Variants in PTPN4 observed in about 807,000 individuals in gnomAD.
PTPN4 encodes protein tyrosine phosphatase non-receptor type 4.
PTPN4 carries 49 observed loss-of-function variants against 135.5 expected under a neutral mutation model. That is an observed-to-expected ratio of 0.36 (90% CI 0.29 to 0.46). PTPN4 has a LOEUF of 0.46. PTPN4 is among the 20% of genes least tolerant of loss of function. The pLI is 1.00. For synonymous variants in PTPN4, 333 were observed against 369.9 expected, an observed-to-expected ratio of 0.90 and a Z score of 1.14; for missense variants, 860 against 1,101.0, an observed-to-expected ratio of 0.78 and a Z score of 3.10.
At chr2:119,844,564 C>A (rs1677454197) in intron 2 of PTPN4, among the ~76,000 whole-genome samples, 1 of 150,342 alleles carries the variant, frequency 6.7e-6, no homozygotes, top group African/African-American at 2.4e-5. Flanking sequence ...ACGCTCCTCA[C>A]CTCCCAGACG....
chr2:119,904,422 T>C (rs2105017394), intron 10 of PTPN4, among the ~76,000 whole-genome samples: 1 of 152,016 alleles, frequency 6.6e-6, no homozygotes, highest in Middle Eastern at 3.4e-3. Flanking sequence ...AGCAGCCAAA[T>C]ATTTGAATTT....
chr2:119,773,207 A>C (rs7558901), intron 1 of PTPN4, among the ~76,000 whole-genome samples: 131 of 152,260 alleles, frequency 8.6e-4, no homozygotes, highest in African/African-American at 2.8e-3. Context: ...CGTAGATACT[A>C]ATTGGTTTTC....
chr2:119,925,075 C>A (rs923892195), intron 12 of PTPN4, among the ~76,000 whole-genome samples: 4 of 152,100 alleles, frequency 2.6e-5, no homozygotes, highest in African/African-American at 9.7e-5. Context: ...CTGACTGATA[C>A]ATTAATTTTC....
intron 9 of PTPN4, among the ~76,000 whole-genome samples, chr2:119,887,124 C>G (rs1378369504): frequency 1.3e-5 from 2 of 151,836 alleles, no homozygotes; most frequent in Non-Finnish European, 2.9e-5. Flanking sequence ...ATTTGTGTAA[C>G]TAGTTTGTTT....
intron 1 of PTPN4, among the ~76,000 whole-genome samples, chr2:119,779,895 C>A (rs1031663779): frequency 3.9e-5 from 6 of 152,064 alleles, no homozygotes; most frequent in African/African-American, 1.4e-4. Context: ...CAGTCACTCA[C>A]CACCACTCCT....
At chr2:119,929,306 ATTAAG>A (rs1678867793) in intron 13 of PTPN4, among the ~76,000 whole-genome samples, 1 of 152,228 alleles carries the variant, frequency 6.6e-6, no homozygotes, top group East Asian at 1.9e-4. Context: ...TTTAGTAATT[ATTAAG>A]TTATTTTATT....
intron 2 of PTPN4, among the ~76,000 whole-genome samples, chr2:119,833,842 T>C (rs1677253101): frequency 6.6e-6 from 1 of 152,320 alleles, no homozygotes. Flanking sequence ...TATGGGAGGA[T>C]TTTTCCCCCT....
At chr2:119,792,362 A>G (rs1238073526) in intron 1 of PTPN4, among the ~76,000 whole-genome samples, 5 of 152,306 alleles carry the variant, frequency 3.3e-5, no homozygotes, top group Non-Finnish European at 7.3e-5. Flanking sequence ...GGGTGCTATT[A>G]TTATTTGTCC....
At chr2:119,905,872 A>G (rs965514786) in intron 10 of PTPN4, among the ~76,000 whole-genome samples, 3 of 152,214 alleles carry the variant, frequency 2.0e-5, no homozygotes, top group African/African-American at 7.2e-5. Context: ...TGTTGGGTCA[A>G]TGAAGAAATT....
chr2:119,791,694 T>C (rs1300477718), intron 1 of PTPN4, among the ~76,000 whole-genome samples: 1 of 152,212 alleles, frequency 6.6e-6, no homozygotes, highest in African/African-American at 2.4e-5. Context: ...ATGAGTTACT[T>C]TCTTTTTGCG....
In PTPN4 at chr2:119,764,099, A is replaced by G. The variant is rs72969112; in HGVS notation, c.-18+3715A>G. Among the ~76,000 whole-genome samples the G allele has an allele frequency of 6.7e-3, 1,021 of 152,300 alleles. 10 individuals carry two copies. The highest frequency in any genetic ancestry group is 0.024 in the African/African-American group (978 of 41,552). ...TATGTCTGAAAGGATCCCCTCCCCA[A>G]TATGCTCACCCATTACCTAAAGATT... On this transcript the variant is annotated intron_variant, in intron 1 of 26. Transcript: ENST00000263708.
chr2:119,851,632 C>T (rs1234586176), intron 2 of PTPN4, among the ~76,000 whole-genome samples: 5 of 152,172 alleles, frequency 3.3e-5, no homozygotes, highest in Admixed American at 2.0e-4. Context: ...GGTGTGCCCT[C>T]GGAAAGCCAG....
At chr2:119,868,465 A>AC (rs749074955) in intron 3 of PTPN4, among the ~76,000 whole-genome samples, 130 of 152,276 alleles carry the variant, frequency 8.5e-4, no homozygotes, top group Middle Eastern at 3.4e-3. Flanking sequence ...TGGGAACAGG[A>AC]CCCCCCAAAA....
chr2:119,868,512 A>C (rs1461645823), intron 3 of PTPN4, among the ~76,000 whole-genome samples: 1 of 152,216 alleles, frequency 6.6e-6, no homozygotes, highest in African/African-American at 2.4e-5. Context: ...GGCCATAAAC[A>C]AAATCTCTGC....
At chr2:119,873,058 C>T (rs981468498) in intron 3 of PTPN4, among the ~76,000 whole-genome samples, 5 of 152,058 alleles carry the variant, frequency 3.3e-5, no homozygotes, top group East Asian at 1.9e-4. Flanking sequence ...TGCAGTGGTG[C>T]GATCATGGCT....
At chr2:119,783,853 A>G (rs540623375) in intron 1 of PTPN4, among the ~76,000 whole-genome samples, 2 of 152,352 alleles carry the variant, frequency 1.3e-5, no homozygotes, top group South Asian at 4.1e-4. Context: ...TCAGTGAGGA[A>G]TTCAAACAGG....
intron 2 of PTPN4, among the ~76,000 whole-genome samples, chr2:119,828,247 A>G (rs998044381): frequency 2.6e-5 from 4 of 152,214 alleles, no homozygotes; most frequent in East Asian, 1.9e-4. Flanking sequence ...GTCAGATTCA[A>G]TCAAACTTCT....
intron 13 of PTPN4, among the ~76,000 whole-genome samples, chr2:119,928,928 G>A (rs1422071332): frequency 1.3e-5 from 2 of 152,016 alleles, no homozygotes; most frequent in Admixed American, 6.6e-5. Context: ...TTCATGTTTT[G>A]ATCCTATCAG....
At position 119,967,830 on chromosome 2, in the gene PTPN4, T is replaced by A. The variant is rs754741651; in HGVS notation, c.2559-7T>A. 1 of 1,592,564 alleles carries A rather than the reference T, an allele frequency of 6.3e-7. No homozygotes were observed. The highest frequency in any genetic ancestry group is 1.7e-5 in the Admixed American group (1 of 58,526). The stretch of plus-strand genomic sequence containing the variant: ...GGTAAGATCTTGCCTATATTTGTCT[T>A]TTTTAGTGCTGGAATCGGAAGAACT... On this transcript the variant is annotated splice_polypyrimidine_tract_variant and splice_region_variant and intron_variant, in intron 25 of 26. Transcript: ENST00000263708.
Sources: gnomAD v4.1 joint callset for allele counts (sites outside exome capture counted in the v4.1 genomes callset) on GRCh38, gnomAD v4.1.1 for gene constraint, MANE v1.5 for transcripts, NCBI Gene and HGNC (gene_info 2026-07-23, HGNC 2026-07-21) for gene names.